PLD5: variants seen among roughly 807,000 people sequenced by gnomAD.
The protein encoded by PLD5 is inactive phospholipase D5.
Under a neutral mutation model 61.1 loss-of-function variants are expected in PLD5, and 36 were observed. The ratio of observed to expected loss-of-function variants is 0.59; its 90% confidence interval spans 0.45 to 0.78. The LOEUF (loss-of-function observed/expected upper bound fraction) is 0.78. Among genes scored for constraint, PLD5 ranks in the 30% least tolerant of loss-of-function variants. The pLI is 0.00. For synonymous variants in PLD5, 243 were observed against 242.8 expected (o/e 1.00, Z -0.01); for missense variants, 515 against 644.4 (o/e 0.80, Z 2.17).
chr1:242,440,779 G>C lies in PLD5; in HGVS notation c.189+83309C>G, dbSNP rs1016762878. 5.3e-5 allele frequency among the ~76,000 whole-genome samples: 8 copies of C among 152,258 alleles called. No individual in the cohort carries two copies. In the South Asian group the frequency reaches 1.7e-3, roughly 32 times the overall value. ...CCACATGCTGAGCACAGAACACTATGTTTTTTCTGAAACCACTCATTGCTC... is the reference window on the plus strand; with the variant it reads ...CCACATGCTGAGCACAGAACACTATCTTTTTTCTGAAACCACTCATTGCTC... On this transcript the variant is annotated intron_variant, in intron 1 of 9. Transcript: ENST00000536534.
At chr1:242,329,915 G>A (rs951191391) in intron 2 of PLD5, among the ~76,000 whole-genome samples, 16 of 152,058 alleles carry the variant, frequency 1.1e-4, no homozygotes, top group African/African-American at 2.4e-4. Flanking sequence ...AAGATCAACC[G>A]GCTACTAAGG....
chr1:242,380,053 G>A (rs2149254575), intron 1 of PLD5, among the ~76,000 whole-genome samples: 1 of 152,322 alleles, frequency 6.6e-6, no homozygotes, highest in South Asian at 2.1e-4. Context: ...TGATTTTCAT[G>A]AGGACACTTT....
At position 242,410,050 on chromosome 1, in the gene PLD5, ATG is replaced by A. The variant is rs528364077; in HGVS notation, c.190-61810_190-61809del. ...TTTTCCCCTCTAGCTGCCTAAAATA[ATG>A]TCTTAATAACTCCTATAATATTCCT... On this transcript the variant is annotated intron_variant, in intron 1 of 9. Coordinates refer to ENST00000536534, the MANE Select transcript of PLD5 (RefSeq NM_001372062.1). Among the ~76,000 whole-genome samples the A allele has an allele frequency of 2.7e-3, 408 of 152,304 alleles. 2 individuals carry two copies. Among genetic ancestry groups the A allele is most frequent in the Non-Finnish European group, 3.5e-3 (235 of 68,036 alleles).
intron 4 of PLD5, among the ~76,000 whole-genome samples, chr1:242,247,812 T>C: frequency 6.6e-6 from 1 of 152,140 alleles, no homozygotes; most frequent in Admixed American, 6.5e-5. Flanking sequence ...GATGATCCAC[T>C]GTTTAATTCT....
At chr1:242,356,060 T>G (rs1660734194) in intron 1 of PLD5, among the ~76,000 whole-genome samples, 1 of 152,116 alleles carries the variant, frequency 6.6e-6, no homozygotes, top group African/African-American at 2.4e-5. Flanking sequence ...TTGGTTGTTG[T>G]TGGTTTGGTA....
intron 7 of PLD5, among the ~76,000 whole-genome samples, chr1:242,113,561 T>C (rs1661711116): frequency 6.6e-6 from 1 of 152,244 alleles, no homozygotes. Context: ...TGATAATTTT[T>C]TTCATATAAT....
At chr1:242,212,795 A>T (rs531075749) in intron 5 of PLD5, among the ~76,000 whole-genome samples, 2 of 152,328 alleles carry the variant, frequency 1.3e-5, no homozygotes, top group African/African-American at 4.8e-5. Flanking sequence ...CTATGCTAAG[A>T]TTTGAGTAAA....
rs796127096 is a variant in PLD5 at position 242,207,902 on chromosome 1, A to T, written c.735+12086T>A. Among the ~76,000 whole-genome samples the T allele has an allele frequency of 9.6e-3, 201 of 21,032 alleles. 35 individuals are homozygous for T. Among genetic ancestry groups the T allele is most frequent in the African/African-American group, 0.026 (103 of 3,980 alleles). The allele number at this position is 21,032 out of a possible 152,430, so 13.8% of individuals were successfully genotyped here. ...TTTATATATTTATATATATTTATAT[A>T]TTTATATATATTTATATATTTATAT... On this transcript the variant is annotated intron_variant, in intron 5 of 9. Transcript: ENST00000536534.
intron 1 of PLD5, among the ~76,000 whole-genome samples, chr1:242,378,931 G>C (rs1162930866): frequency 6.6e-6 from 1 of 152,140 alleles, no homozygotes. Context: ...AACTTTATCA[G>C]CTTTTCCTTC....
chr1:242,337,230 C>G (rs1384020862), intron 2 of PLD5, among the ~76,000 whole-genome samples: 1 of 18,458 alleles, frequency 5.4e-5, no homozygotes, highest in Non-Finnish European at 2.1e-4. Context: ...TTTCTATTTT[C>G]TCTTCTATTT....
intron 1 of PLD5, among the ~76,000 whole-genome samples, chr1:242,382,030 C>T (rs550209888): frequency 2.0e-5 from 3 of 150,932 alleles, no homozygotes; most frequent in East Asian, 2.0e-4. Context: ...GAGAGGTAGC[C>T]GACGCATTGG....
intron 6 of PLD5, among the ~76,000 whole-genome samples, chr1:242,123,614 C>T (rs1305793330): frequency 6.6e-6 from 1 of 152,186 alleles, no homozygotes; most frequent in East Asian, 1.9e-4. Context: ...CAGTACCCGG[C>T]AAAAGCCAAC....
At chr1:242,223,646 A>G (rs1432812119) in intron 4 of PLD5, among the ~76,000 whole-genome samples, 4 of 152,172 alleles carry the variant, frequency 2.6e-5, no homozygotes, top group African/African-American at 9.7e-5. Flanking sequence ...CTATTTTAGG[A>G]CACGATAAAT....
chr1:242,109,636 C>T (rs1160652627), intron 7 of PLD5, among the ~76,000 whole-genome samples: 2 of 152,248 alleles, frequency 1.3e-5, no homozygotes, highest in Non-Finnish European at 2.9e-5. Flanking sequence ...TTTTTCTCTA[C>T]ATGTGAAACT....
At chr1:242,260,880 A>G (rs1475281175) in intron 4 of PLD5, among the ~76,000 whole-genome samples, 2 of 152,214 alleles carry the variant, frequency 1.3e-5, no homozygotes, top group African/African-American at 4.8e-5. Context: ...TCATATTAAA[A>G]ATAGATGCAG....
intron 5 of PLD5, among the ~76,000 whole-genome samples, chr1:242,208,613 G>A (rs1200795450): frequency 2.6e-5 from 4 of 152,176 alleles, no homozygotes; most frequent in South Asian, 2.1e-4. Context: ...ATAACAAGCA[G>A]ATCTTGGGCT....
intron 2 of PLD5, among the ~76,000 whole-genome samples, chr1:242,291,490 A>G (rs551789397): frequency 1.3e-5 from 2 of 152,142 alleles, no homozygotes; most frequent in African/African-American, 4.8e-5. Flanking sequence ...CTCAGCTGGG[A>G]GGTGGGGAGC....
chr1:242,302,890 A>G lies in PLD5; in HGVS notation c.327-14360T>C, dbSNP rs893842756. On this transcript the variant is annotated intron_variant, in intron 2 of 9. Coordinates refer to ENST00000536534, the MANE Select transcript of PLD5 (RefSeq NM_001372062.1). The stretch of plus-strand genomic sequence containing the variant: ...CCAGAATTTAGAAGGGTAAAGGGAA[A>G]TTTTTACCCCCTTACACTATTTATT... Among the ~76,000 whole-genome samples, 19 of 152,044 alleles carry G rather than the reference A, an allele frequency of 1.2e-4. 1 individual carries two copies. The highest frequency in any genetic ancestry group is 5.9e-5 in the Non-Finnish European group (4 of 68,024).
intron 1 of PLD5, among the ~76,000 whole-genome samples, chr1:242,419,100 G>T (rs1278184549): frequency 6.6e-6 from 1 of 152,074 alleles, no homozygotes; most frequent in East Asian, 1.9e-4. Flanking sequence ...TAAGACACAG[G>T]CAGGAAAAAA....
Sources: gnomAD v4.1 joint callset for allele counts (sites outside exome capture counted in the v4.1 genomes callset) on GRCh38, gnomAD v4.1.1 for gene constraint, MANE v1.5 for transcripts, NCBI Gene and HGNC (gene_info 2026-07-23, HGNC 2026-07-21) for gene names.